Variants in PHACTR2 observed in about 807,000 individuals in gnomAD.
The protein encoded by PHACTR2 is phosphatase and actin regulator 2.
PHACTR2 carries 30 observed loss-of-function variants against 76.0 expected under a neutral mutation model. The observed-to-expected ratio is 0.39, with a 90% CI of 0.30 to 0.54. The LOEUF (loss-of-function observed/expected upper bound fraction) is 0.54. PHACTR2 is among the 20% of genes least tolerant of loss of function. PHACTR2 has a pLI of 0.61. For missense variants in PHACTR2, 696 were observed against 781.1 expected (o/e 0.89, Z 1.30); for synonymous variants, 292 against 292.5 (o/e 1.00, Z 0.02).
chr6:143,560,502 T>C (rs192714016), intron 1 of PHACTR2, among the ~76,000 whole-genome samples: 2 of 152,380 alleles, frequency 1.3e-5, no homozygotes, highest in African/African-American at 4.8e-5. Context: ...CACTCATTCA[T>C]TTAATCAGCT....
chr6:143,704,891 C>T lies in PHACTR2; in HGVS notation c.47-7125C>T, dbSNP rs538536498. On this transcript the variant is annotated intron_variant, in intron 1 of 12. Coordinates refer to ENST00000440869, the MANE Select transcript of PHACTR2 (RefSeq NM_001100164.2). ...TTGCCCAGGCTGGAGTGCAGTGGCG[C>T]GATCTCGGCTCACTGCAACCTCTGC... is the stretch of plus-strand genomic sequence containing the variant. 4.4e-4 allele frequency among the ~76,000 whole-genome samples: 67 copies of T among 152,216 alleles called. 1 individual carries two copies. The highest frequency in any genetic ancestry group is 1.5e-3 in the South Asian group (7 of 4,820).
At chr6:143,565,423 C>T (rs1314875302) in intron 1 of PHACTR2, among the ~76,000 whole-genome samples, 2 of 151,962 alleles carry the variant, frequency 1.3e-5, no homozygotes, top group African/African-American at 4.8e-5. Context: ...TCGAGACCAT[C>T]CTGGCTAACA....
Position 143,772,472 on chromosome 6 carries a change from A to G in PHACTR2, c.1432+15A>G. ...CAGTGGAGAAAGTAAGACTGTTTTC[A>G]AGAGGCAGGGAGGAGCGTGGGTGAT... On this transcript the variant is annotated intron_variant, in intron 7 of 12. Transcript: ENST00000440869. The surrounding 1 kb of genome is among the most constrained non-coding windows in gnomAD (Gnocchi z 5.4). 4.4e-6 allele frequency: 7 copies of G among 1,601,116 alleles called. No individual in the cohort carries two copies. Among genetic ancestry groups the G allele is most frequent in the Non-Finnish European group, 6.0e-6 (7 of 1,169,518 alleles).
In PHACTR2 at chr6:143,611,154, G is replaced by GT. The variant is rs1408285912; in HGVS notation, c.13+2834dup. ...CCCATATTCTACAGTGCAGAGTACTGTTAAAAAAAAAAAGTTCTGCAGAAT... is the reference window on the plus strand; with the variant it reads ...CCCATATTCTACAGTGCAGAGTACTGTTTAAAAAAAAAAAGTTCTGCAGAAT... On this transcript the variant is annotated intron_variant, in intron 1 of 11. Transcript: ENST00000305766. This position sits in a 1 kb window ranked among gnomAD's most constrained non-coding sequence, Gnocchi z 4.4. Among the ~76,000 whole-genome samples the GT allele has an allele frequency of 4.2e-5, 6 of 141,380 alleles. No individual in the cohort carries two copies. The South Asian group carries it at 1.1e-3, about 26-fold the overall frequency. The allele number at this position is 141,380 out of a possible 152,430, so 92.8% of individuals were successfully genotyped here.
At chr6:143,629,140 T>C (rs989710561) in intron 1 of PHACTR2, among the ~76,000 whole-genome samples, 1 of 151,614 alleles carries the variant, frequency 6.6e-6, no homozygotes, top group African/African-American at 2.4e-5. Flanking sequence ...AAGATGTCCA[T>C]AGAAATAATA....
chr6:143,636,244 C>T (rs1237412428), intron 1 of PHACTR2, among the ~76,000 whole-genome samples: 1 of 151,292 alleles, frequency 6.6e-6, no homozygotes, highest in Non-Finnish European at 1.5e-5. Context: ...ACCATGCTTT[C>T]CTCTGCTGCC....
At position 143,709,006 on chromosome 6, in the gene PHACTR2, A is replaced by G. The variant is rs1778110982; in HGVS notation, c.47-3010A>G. Reference sequence around the variant, plus strand: ...GCCCTTTTATATTTTACAACATTTAAGTTGTTCAAAGTTAAGCCCTTCCAT... The same window carrying G: ...GCCCTTTTATATTTTACAACATTTAGGTTGTTCAAAGTTAAGCCCTTCCAT... On this transcript the variant is annotated intron_variant, in intron 1 of 12. Transcript: ENST00000440869. This position sits in a 1 kb window ranked among gnomAD's most constrained non-coding sequence, Gnocchi z 4.4. Among the ~76,000 whole-genome samples, 1 of 152,216 alleles carries G rather than the reference A, an allele frequency of 6.6e-6. No homozygotes were observed. Among genetic ancestry groups the G allele is most frequent in the African/African-American group, 2.4e-5 (1 of 41,448 alleles).
intron 12 of PHACTR2, among the ~76,000 whole-genome samples, chr6:143,814,892 G>A (rs551316644): frequency 3.3e-5 from 5 of 152,180 alleles, no homozygotes; most frequent in African/African-American, 9.6e-5. Flanking sequence ...GTGAGCCACC[G>A]CCGCCGGCCC....
intron 2 of PHACTR2, among the ~76,000 whole-genome samples, chr6:143,726,777 T>G (rs1291131914): frequency 6.6e-6 from 1 of 152,206 alleles, no homozygotes; most frequent in African/African-American, 2.4e-5. Context: ...TTGTCATGGT[T>G]TTAATTTCCC....
chr6:143,819,684 G>T lies in PHACTR2; in HGVS notation c.1923-3990G>T, dbSNP rs1776371430. Among the ~76,000 whole-genome samples the T allele has an allele frequency of 6.6e-6, 1 of 152,134 alleles. No individual in the cohort carries two copies. The highest frequency in any genetic ancestry group is 2.4e-5 in the African/African-American group (1 of 41,428). Reference sequence around the variant, plus strand: ...AAGAGCATGTATCCCAGCTCCAGTAGATAGATTGACATAGTCTCCTTTTCT... The same window carrying T: ...AAGAGCATGTATCCCAGCTCCAGTATATAGATTGACATAGTCTCCTTTTCT... On this transcript the variant is annotated intron_variant, in intron 12 of 12. Coordinates refer to ENST00000440869, the MANE Select transcript of PHACTR2 (RefSeq NM_001100164.2). The surrounding 1 kb of genome is among the most constrained non-coding windows in gnomAD (Gnocchi z 5.0).
chr6:143,769,021 T>G (rs1469009279), intron 6 of PHACTR2, among the ~76,000 whole-genome samples: 1 of 152,230 alleles, frequency 6.6e-6, no homozygotes, highest in Non-Finnish European at 1.5e-5. Flanking sequence ...CTTTCTTTAC[T>G]TAGAACTTTC....
In PHACTR2 at chr6:143,611,522, ACT is replaced by A. The variant is rs1775974706; in HGVS notation, c.13+3203_13+3204del. Reference sequence around the variant, plus strand: ...CAGTGACTGTGAACAAGTAATAGAAACTCTATGCATTTAATTTTCTCATTGGT... The same window carrying A: ...CAGTGACTGTGAACAAGTAATAGAAACTATGCATTTAATTTTCTCATTGGT... On this transcript the variant is annotated intron_variant, in intron 1 of 11. Coordinates refer to the PHACTR2 transcript ENST00000305766. The surrounding 1 kb of genome is among the most constrained non-coding windows in gnomAD (Gnocchi z 4.4). Among the ~76,000 whole-genome samples, 1 of 151,960 alleles carries A rather than the reference ACT, an allele frequency of 6.6e-6. No homozygotes were observed. Among genetic ancestry groups the A allele is most frequent in the South Asian group, 2.1e-4 (1 of 4,808 alleles).
At chr6:143,735,726 C>T (rs7738300) in intron 2 of PHACTR2, among the ~76,000 whole-genome samples, 41,417 of 151,874 alleles carry the variant, frequency 0.27, 5,676 homozygotes, top group East Asian at 0.39. Context: ...GCTGGCATTC[C>T]GTCATCTTTT....
At chr6:143,606,198 T>G (rs905593605), upstream of PHACTR2, among the ~76,000 whole-genome samples, 55 of 152,346 alleles carry the variant, frequency 3.6e-4, no homozygotes, top group African/African-American at 1.3e-3. Context: ...AAGTAAAGAT[T>G]TTTAATAGCG....
Position 143,722,251 on chromosome 6 carries a change from A to T in PHACTR2, c.214+10068A>T, listed in dbSNP as rs917379419. 6.6e-6 allele frequency among the ~76,000 whole-genome samples: 1 copy of T among 152,076 alleles called. No homozygotes were observed. The highest frequency in any genetic ancestry group is 1.5e-5 in the Non-Finnish European group (1 of 68,024). The stretch of plus-strand genomic sequence containing the variant: ...GTTCTTTCTCTGTACCCTCATGTGG[A>T]TATATGTACATATCATATCCACATT... On this transcript the variant is annotated intron_variant, in intron 2 of 12. Coordinates refer to ENST00000440869, the MANE Select transcript of PHACTR2 (RefSeq NM_001100164.2). This position sits in a 1 kb window ranked among gnomAD's most constrained non-coding sequence, Gnocchi z 4.1.
rs1293069955 is a variant in PHACTR2, at chr6:143,623,291, T to G, written c.13+14969T>G. Among the ~76,000 whole-genome samples, 4 of 152,154 alleles carry G rather than the reference T, an allele frequency of 2.6e-5. No individual in the cohort carries two copies. The highest frequency in any genetic ancestry group is 9.7e-5 in the African/African-American group (4 of 41,444). ...GTATATTTAAATTGTCCCTTGCTCTTAATATATGGAGAGAGAAAAAAATGT... is the reference window on the plus strand; with the variant it reads ...GTATATTTAAATTGTCCCTTGCTCTGAATATATGGAGAGAGAAAAAAATGT... On this transcript the variant is annotated intron_variant, in intron 1 of 11. Transcript: ENST00000305766. This position sits in a 1 kb window ranked among gnomAD's most constrained non-coding sequence, Gnocchi z 5.9.
At position 143,641,333 on chromosome 6, in the gene PHACTR2, T is replaced by A. The variant is rs1266196523; in HGVS notation, c.13+33011T>A. 6.6e-6 allele frequency among the ~76,000 whole-genome samples: 1 copy of A among 152,130 alleles called. No homozygotes were observed. Among genetic ancestry groups the A allele is most frequent in the African/African-American group, 2.4e-5 (1 of 41,436 alleles). On this transcript the variant is annotated intron_variant, in intron 1 of 11. Coordinates refer to the PHACTR2 transcript ENST00000305766. The surrounding 1 kb of genome is among the most constrained non-coding windows in gnomAD (Gnocchi z 5.8). ...GTGAAGATGGAGGCAGAGATTGGAATGGTATAGCCATAAGTCAAGGAATGC... is the reference window on the plus strand; with the variant it reads ...GTGAAGATGGAGGCAGAGATTGGAAAGGTATAGCCATAAGTCAAGGAATGC...
At chr6:143,645,055 G>A (rs1258349525) in intron 1 of PHACTR2, among the ~76,000 whole-genome samples, 3 of 140,516 alleles carry the variant, frequency 2.1e-5, no homozygotes, top group Non-Finnish European at 4.6e-5. Flanking sequence ...TCCCACTTAT[G>A]AGTGAGAACA....
intron 1 of PHACTR2, among the ~76,000 whole-genome samples, chr6:143,552,888 G>GAAAAAAAAAAAAAAA (rs35606517): frequency 8.6e-6 from 1 of 116,650 alleles, no homozygotes. Context: ...ATCTCAAAAA[G>GAAAAAAAAAAAAAAA]AAAAAAAAAA....
Sources: gnomAD v4.1 joint callset for allele counts (sites outside exome capture counted in the v4.1 genomes callset) on GRCh38, gnomAD v4.1.1 for gene constraint, Gnocchi (gnomAD v3.1) non-coding constraint, MANE v1.5 for transcripts, NCBI Gene and HGNC (gene_info 2026-07-23, HGNC 2026-07-21) for gene names.